SCAF4: variants seen among roughly 807,000 people sequenced by gnomAD.
SCAF4 encodes SR-related CTD associated factor 4.
A neutral mutation model predicts 129.8 loss-of-function variants in SCAF4; 25 were observed. The observed-to-expected ratio is 0.19, with a 90% CI of 0.14 to 0.27. The LOEUF (loss-of-function observed/expected upper bound fraction) is 0.27. Among genes scored for constraint, SCAF4 ranks in the 10% least tolerant of loss-of-function variants. The pLI, the probability that SCAF4 is intolerant of heterozygous loss-of-function variation, is 1.00. For missense variants in SCAF4, 1,246 were observed against 1,457.1 expected, an observed-to-expected ratio of 0.86 and a Z score of 2.36; for synonymous variants, 551 against 497.7, an observed-to-expected ratio of 1.11 and a Z score of -1.43.
At position 31,671,178 on chromosome 21, in the gene SCAF4, A is replaced by G; in HGVS notation, c.*221T>C. ...AAACTTTTTAAAGTCAAAACTTTTAAAAAGTTACAGCAAAAAGGGTAATAT... is the reference window on the plus strand; with the variant it reads ...AAACTTTTTAAAGTCAAAACTTTTAGAAAGTTACAGCAAAAAGGGTAATAT... On this transcript the variant is annotated 3_prime_UTR_variant, in exon 20 of 20. Transcript: ENST00000286835. 2 of 424,880 alleles carry G rather than the reference A, an allele frequency of 4.7e-6. No individual in the cohort carries two copies. The highest frequency in any genetic ancestry group is 7.0e-5 in the East Asian group (2 of 28,588). The allele number at this position is 424,880 out of a possible 1,614,324, so 26.3% of individuals were successfully genotyped here. A position where few individuals can be genotyped will look rare whatever the true frequency, so the allele number is the denominator to read the frequency against.
In SCAF4 at chr21:31,685,579, T is replaced by G. The variant is rs781771912; in HGVS notation, c.2198A>C (p.His733Pro). 6.2e-7 allele frequency: 1 copy of G among 1,613,902 alleles called. No homozygotes were observed. The highest frequency in any genetic ancestry group is 8.5e-7 in the Non-Finnish European group (1 of 1,180,010). Residue 733 changes from histidine to proline, a missense_variant, in exon 17 of 20, where the codon CAT (histidine) becomes CCT (proline). Transcript: ENST00000286835. The stretch of plus-strand genomic sequence containing the variant: ...ACAATTTAGTGTACCTGGTGGTAAA[T>G]GCATTGGGTTGAATCCTGGGCGCAA... ...PFLRPGFNPMHLPPGFLPPGP... is the reference protein window; with the variant it reads ...PFLRPGFNPMPLPPGFLPPGP...
intron 19 of SCAF4, among the ~76,000 whole-genome samples, chr21:31,676,896 T>A (rs1373172080): frequency 6.6e-6 from 1 of 152,118 alleles, no homozygotes; most frequent in Non-Finnish European, 1.5e-5. Flanking sequence ...CCACATAATG[T>A]TTTCTGTCTC....
chr21:31,710,590 AG>A (rs1182549234), intron 1 of SCAF4, among the ~76,000 whole-genome samples: 2 of 152,194 alleles, frequency 1.3e-5, no homozygotes, highest in Non-Finnish European at 2.9e-5. Context: ...ACAAAACAGA[AG>A]AACAACATAC....
chr21:31,693,362 C>T lies in SCAF4; in HGVS notation c.1445G>A (p.Arg482Gln), dbSNP rs775345060. 13 of 1,560,744 alleles carry T rather than the reference C, an allele frequency of 8.3e-6. No homozygotes were observed. Among genetic ancestry groups the T allele is most frequent in the East Asian group, 2.3e-5 (1 of 43,312 alleles). The change falls in exon 12 of 20, where the codon CGG becomes CAG. Residue 482 changes from arginine to glutamine, a missense_variant. By Grantham distance (43) the Arg-to-Gln change is conservative. Transcript: ENST00000286835. ...HSPRSRSQER[R>Q]DREKERERRQ... ...ACGTTCTCTCTCTTTTTCTCGATCCCGTCTTTCTTGAGATCGAGATCGGGG... is the reference window on the plus strand; with the variant it reads ...ACGTTCTCTCTCTTTTTCTCGATCCTGTCTTTCTTGAGATCGAGATCGGGG...
chr21:31,713,143 T>C (rs186895217), intron 1 of SCAF4, among the ~76,000 whole-genome samples: 19 of 152,366 alleles, frequency 1.2e-4, no homozygotes, highest in African/African-American at 3.6e-4. Flanking sequence ...TTGCAATTTA[T>C]TAATCTTAAA....
At chr21:31,678,359 T>C (rs952099591) in intron 19 of SCAF4, among the ~76,000 whole-genome samples, 1 of 152,150 alleles carries the variant, frequency 6.6e-6, no homozygotes, top group Non-Finnish European at 1.5e-5. Flanking sequence ...GAAGGCTCTA[T>C]CTTCAAAATA....
intron 7 of SCAF4, among the ~76,000 whole-genome samples, chr21:31,699,969 T>C (rs1474073837): frequency 6.6e-6 from 1 of 152,068 alleles, no homozygotes; most frequent in African/African-American, 2.4e-5. Flanking sequence ...CTCTTTTTTG[T>C]TGTTGCTTGT....
intron 1 of SCAF4, among the ~76,000 whole-genome samples, chr21:31,724,560 A>AT (rs1321934540): frequency 3.9e-5 from 6 of 152,178 alleles, no homozygotes; most frequent in African/African-American, 7.2e-5. Context: ...CTGATGTAAC[A>AT]TTTTTTCCCT....
Position 31,692,389 on chromosome 21 carries a change from G to A in SCAF4, c.1574C>T (p.Ala525Val), listed in dbSNP as rs184391166. ...LDKRTTQQDVASLLEEFGPIE... is the reference protein window; with the variant it reads ...LDKRTTQQDVVSLLEEFGPIE... ...TGGACCAAACTCTTCCAAGAGACTG[G>A]CAACATCCTGCTGAGTAGTTCTTTT... The change falls in exon 13 of 20, where the codon GCC (alanine) becomes GTC (valine). Residue 525 changes from alanine to valine, a missense_variant. By Grantham distance (64) the Ala-to-Val change is moderately conservative (BLOSUM62 0). Transcript: ENST00000286835. 1.2e-6 allele frequency: 2 copies of A among 1,613,904 alleles called. No homozygotes were observed. Among genetic ancestry groups the A allele is most frequent in the African/African-American group, 1.3e-5 (1 of 74,992 alleles).
chr21:31,671,716 G>A lies in SCAF4; in HGVS notation c.3127C>T (p.His1043Tyr). Residue 1043 changes from histidine (H) to tyrosine (Y), a missense_variant, in exon 20 of 20, where the codon CAC (histidine) becomes TAC (tyrosine). His to Tyr is a moderately conservative substitution (Grantham distance 83). Around this residue, in one of 6 missense-constraint regions of SCAF4, gnomAD observed 339 missense variants for 325.0 expected, o/e 1.04. Transcript: ENST00000286835. ...WGRRSPDRDR[H>Y]RDLEERNRRS... ...CTATTTCTCTCTTCCAAGTCTCTGT[G>A]CCTGTCCCGGTCAGGGCTCCTCCTT... 1 of 1,613,942 alleles carries A rather than the reference G, an allele frequency of 6.2e-7. No homozygotes were observed. The highest frequency in any genetic ancestry group is 8.5e-7 in the Non-Finnish European group (1 of 1,179,922).
intron 19 of SCAF4, among the ~76,000 whole-genome samples, chr21:31,679,457 C>T (rs1404957162): frequency 2.6e-5 from 4 of 152,050 alleles, no homozygotes. Context: ...ACATTTAGGC[C>T]TATTTATTCT....
At chr21:31,714,741 A>AG in intron 1 of SCAF4, among the ~76,000 whole-genome samples, 1 of 152,308 alleles carries the variant, frequency 6.6e-6, no homozygotes, top group African/African-American at 2.4e-5. Flanking sequence ...AACTCCAAGG[A>AG]TTTTTAAAAT....
chr21:31,694,669 A>G, intron 10 of SCAF4, 144 bp downstream of exon 10: 1 of 786,744 alleles, frequency 1.3e-6, no homozygotes, highest in South Asian at 1.8e-5. Context: ...TTCCAGATGA[A>G]AAACCTGGAG....
intron 1 of SCAF4, among the ~76,000 whole-genome samples, chr21:31,719,061 T>TA (rs2051007540): frequency 6.6e-6 from 1 of 152,040 alleles, no homozygotes; most frequent in African/African-American, 2.4e-5. Flanking sequence ...GAGGCCGAGG[T>TA]AGACAGATCG....
Position 31,693,278 on chromosome 21 carries a change from A to G in SCAF4, c.1513+16T>C. ...AAAAAATAGTACATGAGGTTTGAAT[A>G]TAAAGGTTGAGTTACCACTTGCAGT... On this transcript the variant is annotated intron_variant, in intron 12 of 19. Transcript: ENST00000286835. The G allele has an allele frequency of 6.9e-7, 1 of 1,440,718 alleles. No individual in the cohort carries two copies. The allele number at this position is 1,440,718 out of a possible 1,614,324, so 89.2% of individuals were successfully genotyped here.
At chr21:31,688,500 A>G (rs762170720) in intron 15 of SCAF4, 36 bp from the exon 16 acceptor site, 170 of 1,551,904 alleles carry the variant, frequency 1.1e-4, no homozygotes, top group Non-Finnish European at 1.5e-4. Flanking sequence ...AGAGTTTACC[A>G]TTTTCAGTTT....
chr21:31,714,857 A>C (rs1459877432), intron 1 of SCAF4, among the ~76,000 whole-genome samples: 1 of 152,202 alleles, frequency 6.6e-6, no homozygotes, highest in Admixed American at 6.5e-5. Flanking sequence ...GTGCTGAGTA[A>C]ATGGAGCAAA....
At chr21:31,697,523 T>C (rs141251744) in intron 7 of SCAF4, among the ~76,000 whole-genome samples, 1 of 152,334 alleles carries the variant, frequency 6.6e-6, no homozygotes, top group African/African-American at 2.4e-5. Context: ...AGAAACATGA[T>C]TAAGATTGCA....
intron 7 of SCAF4, among the ~76,000 whole-genome samples, chr21:31,698,514 T>G (rs1234276524): frequency 6.6e-6 from 1 of 152,250 alleles, no homozygotes; most frequent in African/African-American, 2.4e-5. Context: ...TAATTTTGTG[T>G]CAACCTGCCT....
Sources: gnomAD v4.1 joint callset for allele counts (sites outside exome capture counted in the v4.1 genomes callset) on GRCh38, gnomAD v4.1.1 for gene constraint, gnomAD v4.1.1 regional missense constraint, MANE v1.5 for transcripts, NCBI Gene and HGNC (gene_info 2026-07-23, HGNC 2026-07-21) for gene names.